The following PODXL variants were observed in gnomAD, a reference collection of about 807,000 sequenced individuals.
The protein encoded by PODXL is podocalyxin.
Under a neutral mutation model 48.9 loss-of-function variants are expected in PODXL, and 20 were observed. That is an observed-to-expected ratio of 0.41 (90% confidence interval 0.29 to 0.59). PODXL has a LOEUF of 0.59. Among genes scored for constraint, PODXL ranks in the 20% least tolerant of loss-of-function variants. The pLI is 0.31. For missense variants in PODXL, 606 were observed against 675.1 expected (o/e 0.90, Z 1.13); for synonymous variants, 295 against 287.4 (o/e 1.03, Z -0.27).
chr7:131,507,442 G>C (rs909639523), intron 5 of PODXL, among the ~76,000 whole-genome samples: 1 of 152,204 alleles, frequency 6.6e-6, no homozygotes, highest in Admixed American at 6.5e-5. Flanking sequence ...TGGGCAGCAT[G>C]TATCCAGTCC....
chr7:131,556,270 G>GGGCGAA lies in PODXL; in HGVS notation c.89_90insTTCGCC (p.Pro30_Ser31dup). 6.8e-7 allele frequency: 1 copy of GGGCGAA among 1,462,602 alleles called. No homozygotes were observed. The highest frequency in any genetic ancestry group is 1.3e-5 in the South Asian group (1 of 74,090). The allele number at this position is 1,462,602 out of a possible 1,614,324, so 90.6% of individuals were successfully genotyped here. On this transcript the variant is annotated inframe_insertion, in exon 1 of 9. Coordinates refer to ENST00000378555, the MANE Select transcript of PODXL (RefSeq NM_001018111.3). Reference sequence around the variant, plus strand: ...AGGCCGGCCACTCACCATTCTGGGAGGGCGACGGCGACGGCGACGGCGACG... The same window carrying GGGCGAA: ...AGGCCGGCCACTCACCATTCTGGGAGGGCGAAGGCGACGGCGACGGCGACGGCGACG...
At chr7:131,526,039 C>T (rs946606490) in intron 1 of PODXL, among the ~76,000 whole-genome samples, 1 of 152,162 alleles carries the variant, frequency 6.6e-6, no homozygotes, top group Middle Eastern at 3.2e-3. Context: ...GAAGCAGTGA[C>T]AAACCAGTAG....
chr7:131,511,819 C>T (rs1209768565), intron 1 of PODXL, among the ~76,000 whole-genome samples: 2 of 152,140 alleles, frequency 1.3e-5, no homozygotes, highest in Admixed American at 6.5e-5. Context: ...CTGCTGAAGG[C>T]GAGCCCAGGC....
intron 1 of PODXL, among the ~76,000 whole-genome samples, chr7:131,528,975 TAGAG>T (rs768933101): frequency 2.0e-5 from 3 of 151,768 alleles, no homozygotes; most frequent in Non-Finnish European, 4.4e-5. Flanking sequence ...AGTTGGAAGG[TAGAG>T]AGACAGTGAT....
rs751155178 is a variant in PODXL, at chr7:131,504,205, C to T, written c.*106G>A. 4.8e-4 allele frequency: 418 copies of T among 876,464 alleles called. 1 individual carries two copies. The highest frequency in any genetic ancestry group is 6.8e-4 in the Non-Finnish European group (377 of 554,808). The allele number at this position is 876,464 out of a possible 1,614,324, so 54.3% of individuals were successfully genotyped here. A position where few individuals can be genotyped will look rare whatever the true frequency, so the allele number is the denominator to read the frequency against. ...GGGGGGATTGGGAGGGGACACCCCTCGGAGTTCACTCTCCCTCCCCAGTCT... is the reference window on the plus strand; with the variant it reads ...GGGGGGATTGGGAGGGGACACCCCTTGGAGTTCACTCTCCCTCCCCAGTCT... On this transcript the variant is annotated 3_prime_UTR_variant, in exon 9 of 9. Coordinates refer to ENST00000378555, the MANE Select transcript of PODXL (RefSeq NM_001018111.3).
chr7:131,539,613 C>A (rs920404460), intron 1 of PODXL, among the ~76,000 whole-genome samples: 7 of 152,210 alleles, frequency 4.6e-5, no homozygotes, highest in African/African-American at 1.4e-4. Flanking sequence ...GCCACCACGC[C>A]CAGTCCCCGA....
chr7:131,509,813 A>C (rs765489710), intron 3 of PODXL, among the ~76,000 whole-genome samples: 26 of 152,276 alleles, frequency 1.7e-4, no homozygotes, highest in Non-Finnish European at 3.1e-4. Context: ...TGGGTGCCTC[A>C]AAGGTACTTT....
intron 5 of PODXL, 30 bp downstream of exon 5, chr7:131,508,921 C>T: frequency 2.0e-6 from 3 of 1,511,850 alleles, no homozygotes; most frequent in Non-Finnish European, 2.8e-6. Context: ...TGAGCCTGCA[C>T]CTGGCGGCTC....
chr7:131,507,952 C>CA (rs1797837392), intron 5 of PODXL, among the ~76,000 whole-genome samples: 1 of 152,198 alleles, frequency 6.6e-6, no homozygotes, highest in African/African-American at 2.4e-5. Context: ...GTTGTAAGCC[C>CA]AAATTCTCCA....
chr7:131,519,719 C>A (rs2116810748), intron 1 of PODXL, among the ~76,000 whole-genome samples: 1 of 152,106 alleles, frequency 6.6e-6, no homozygotes, highest in African/African-American at 2.4e-5. Context: ...ACGAGACAGA[C>A]AAATTTCTTT....
intron 2 of PODXL, among the ~76,000 whole-genome samples, chr7:131,510,538 G>A (rs1166834840): frequency 1.3e-5 from 2 of 149,942 alleles, no homozygotes; most frequent in Non-Finnish European, 3.0e-5. Context: ...AAATAAATAG[G>A]TATGAAATAG....
At chr7:131,544,589 G>T (rs898860590) in intron 1 of PODXL, among the ~76,000 whole-genome samples, 1 of 151,994 alleles carries the variant, frequency 6.6e-6, no homozygotes, top group Non-Finnish European at 1.5e-5. Flanking sequence ...AGGGAGGCGT[G>T]GGCAGGAGTT....
chr7:131,509,027 G>A lies in PODXL; in HGVS notation c.1025C>T (p.Ala342Val). 6.2e-7 allele frequency: 1 copy of A among 1,613,034 alleles called. No homozygotes were observed. Among genetic ancestry groups the A allele is most frequent in the Non-Finnish European group, 8.5e-7 (1 of 1,179,036 alleles). The change falls in exon 5 of 9, where the codon GCA becomes GTA. Residue 342 changes from alanine to valine, a missense_variant and splice_region_variant. By Grantham distance (64) the Ala-to-Val change is moderately conservative. Coordinates refer to ENST00000378555, the MANE Select transcript of PODXL (RefSeq NM_001018111.3). ...SPTVAHESNW[A>V]KCEDLETQTQ... is the part of the protein sequence containing the mutation. ...CTGTGTCTCAAGATCCTCACACTTT[G>A]CCTGGAAGAAGCCACTGAGATTAAG...
rs924513149 is a variant in PODXL at position 131,502,743 on chromosome 7, A to C, written c.*1568T>G. 6.6e-6 allele frequency: 1 copy of C among 152,656 alleles called. No homozygotes were observed. The highest frequency in any genetic ancestry group is 1.5e-5 in the Non-Finnish European group (1 of 68,050). The allele number at this position is 152,656 out of a possible 1,614,324, so 9.5% of individuals were successfully genotyped here. A position where few individuals can be genotyped will look rare whatever the true frequency, so the allele number is the denominator to read the frequency against. ...ATTCCACACAGGATTCCCCCTTCTC[A>C]ATCAGATGAAACCTCACCATGCCCA... is the stretch of plus-strand genomic sequence containing the variant. On this transcript the variant is annotated 3_prime_UTR_variant, in exon 9 of 9. Transcript: ENST00000378555.
At chr7:131,521,924 G>A (rs1238131080) in intron 1 of PODXL, among the ~76,000 whole-genome samples, 4 of 152,178 alleles carry the variant, frequency 2.6e-5, no homozygotes, top group Non-Finnish European at 1.5e-5. Context: ...GGGCACTGGC[G>A]GAAACCTCCC....
Position 131,505,978 on chromosome 7 carries a change from G to C in PODXL, c.1369C>G (p.Arg457Gly), listed in dbSNP as rs898589054. 3.7e-6 allele frequency: 6 copies of C among 1,611,938 alleles called. No homozygotes were observed. The highest frequency in any genetic ancestry group is 5.1e-6 in the Non-Finnish European group (6 of 1,179,352). Reference sequence around the variant, plus strand: ...GTGATGATGAGGGGCATGCTGAAGCGGTCCTCGGCCTCCTCCGGTGGCCCC... The same window carrying C: ...GTGATGATGAGGGGCATGCTGAAGCCGTCCTCGGCCTCCTCCGGTGGCCCC... ...DQGPPEEAED[R>G]FSMPLIITIV... The change falls in exon 8 of 9, where the codon CGC becomes GGC. Residue 457 changes from arginine to glycine, a missense_variant. By Grantham distance (125) the Arg-to-Gly change is moderately radical. Coordinates refer to ENST00000378555, the MANE Select transcript of PODXL (RefSeq NM_001018111.3).
At chr7:131,529,052 G>C (rs770042900) in intron 1 of PODXL, among the ~76,000 whole-genome samples, 10 of 151,226 alleles carry the variant, frequency 6.6e-5, no homozygotes, top group Non-Finnish European at 1.2e-4. Flanking sequence ...AAGTTCAGGG[G>C]GGGAAACGGG....
chr7:131,551,457 T>C (rs529427772), intron 1 of PODXL, among the ~76,000 whole-genome samples: 62 of 152,342 alleles, frequency 4.1e-4, no homozygotes, highest in African/African-American at 1.2e-3. Flanking sequence ...TGCCATTCTC[T>C]TTCTCTGATT....
At chr7:131,535,137 A>G (rs1027745369) in intron 1 of PODXL, among the ~76,000 whole-genome samples, 8 of 152,164 alleles carry the variant, frequency 5.3e-5, no homozygotes, top group Admixed American at 4.6e-4. Context: ...AGGACATGAG[A>G]TATGTGTTAT....
Sources: allele counts gnomAD v4.1 joint callset (sites outside exome capture counted in the v4.1 genomes callset), GRCh38; gene constraint gnomAD v4.1.1; transcripts MANE v1.5; gene names NCBI Gene and HGNC (gene_info 2026-07-23, HGNC 2026-07-21).